USP40: variants seen among roughly 807,000 people sequenced by gnomAD.
USP40 encodes the protein ubiquitin carboxyl-terminal hydrolase 40.
Under a neutral mutation model 166.2 loss-of-function variants are expected in USP40, and 143 were observed. The observed-to-expected ratio is 0.86, with a 90% CI of 0.75 to 0.99. The LOEUF (loss-of-function observed/expected upper bound fraction) is 0.99, where lower values mean the gene tolerates loss of function less well. Ranked by LOEUF, USP40 falls within the 50% of genes least tolerant of loss-of-function variation. The pLI, the probability that USP40 is intolerant of heterozygous loss-of-function variation, is 0.00. For missense variants in USP40, 1,444 were observed against 1,479.7 expected (o/e 0.98, Z 0.40); for synonymous variants, 498 against 524.0 (o/e 0.95, Z 0.68).
intron 8 of USP40, chr2:233,545,524 C>A (rs79607295): frequency 0.01 from 1,555 of 152,372 alleles, 27 homozygotes; most frequent in African/African-American, 0.035. Context: ...AGCCAAAGTC[C>A]CCCCAGGAAG....
Position 233,510,079 on chromosome 2 carries a change from G to A in USP40, c.2583C>T (p.Ile861=), listed in dbSNP as rs368616040. The stretch of plus-strand genomic sequence containing the variant: ...TCACAGATATTGTTTCTTCTACTAC[G>A]ATTTCCATTTCTGTCCCAGGTTGAA... ...SDVQPGTEME[I]VVEETISVRD... The change falls in exon 21 of 32, where the codon ATC becomes ATT. Residue 861 remains isoleucine, a synonymous_variant. Transcript: ENST00000678225. 21 of 1,600,496 alleles carry A rather than the reference G, an allele frequency of 1.3e-5. No homozygotes were observed. In the African/African-American group the frequency reaches 2.1e-4, roughly 16 times the overall value.
intron 24 of USP40, among the ~76,000 whole-genome samples, chr2:233,494,787 T>C (rs1044658600): frequency 2.8e-5 from 4 of 141,814 alleles, no homozygotes; most frequent in African/African-American, 1.0e-4. Context: ...ATCATGCCAC[T>C]GTACTTCAGC....
At chr2:233,539,058 G>A (rs550990133) in intron 10 of USP40, among the ~76,000 whole-genome samples, 27 of 152,130 alleles carry the variant, frequency 1.8e-4, no homozygotes, top group African/African-American at 6.5e-4. Context: ...CACGCCAGGA[G>A]GCAATAACAA....
At chr2:233,498,425 T>C in intron 23 of USP40, 123 bp downstream of exon 23, 11 of 836,474 alleles carry the variant, frequency 1.3e-5, no homozygotes, top group Non-Finnish European at 2.0e-5. Flanking sequence ...ATAGACCCAT[T>C]CATAGATATT....
chr2:233,501,253 A>AAC, intron 21 of USP40, among the ~76,000 whole-genome samples: 2 of 152,318 alleles, frequency 1.3e-5, no homozygotes, highest in South Asian at 4.1e-4. Context: ...CAGAAACAGC[A>AAC]AGAAGGCCAG....
intron 4 of USP40, among the ~76,000 whole-genome samples, chr2:233,559,332 G>T (rs1262735182): frequency 6.6e-6 from 1 of 152,170 alleles, no homozygotes; most frequent in Non-Finnish European, 1.5e-5. Flanking sequence ...TCACTTTTTT[G>T]ACTGAAGCAA....
At chr2:233,549,042 AAAT>A in intron 8 of USP40, 56 bp downstream of exon 8, 3 of 1,494,438 alleles carry the variant, frequency 2.0e-6, no homozygotes, top group Non-Finnish European at 2.7e-6. Flanking sequence ...TTCCTCAACA[AAAT>A]AATAGGAATA....
chr2:233,525,417 G>T lies in USP40; in HGVS notation c.1810+61C>A, dbSNP rs1245615905. ...ACTGACAAAGAGTAGAAAATCGCAG[G>T]TGAGCCGGACAAAAATGTAGATATA... On this transcript the variant is annotated intron_variant, in intron 14 of 31. Coordinates refer to ENST00000678225, the MANE Select transcript of USP40 (RefSeq NM_001365479.2). 6.9e-6 allele frequency: 9 copies of T among 1,308,756 alleles called. No homozygotes were observed. The East Asian group carries it at 1.9e-4, about 27-fold the overall frequency. The allele number at this position is 1,308,756 out of a possible 1,614,324, so 81.1% of individuals were successfully genotyped here.
chr2:233,518,512 A>C (rs1225796395), intron 18 of USP40, among the ~76,000 whole-genome samples: 1 of 148,296 alleles, frequency 6.7e-6, no homozygotes, highest in Non-Finnish European at 1.5e-5. Flanking sequence ...GGTTGCAGTG[A>C]GCGGAGATCG....
In USP40 at chr2:233,488,439, T is replaced by C. The variant is rs183549796; in HGVS notation, c.3132-135A>G. On this transcript the variant is annotated intron_variant, in intron 27 of 31. Coordinates refer to ENST00000678225, the MANE Select transcript of USP40 (RefSeq NM_001365479.2). ...GTACTTATAAGAACACCCAAACTTT[T>C]GGAAAAGGGGAAAAAATGAGAATCC... 8 of 750,718 alleles carry C rather than the reference T, an allele frequency of 1.1e-5. No homozygotes were observed. The Admixed American group carries it at 1.7e-4, about 16-fold the overall frequency. 46.5% of individuals were successfully genotyped at this position (750,718 alleles called of 1,614,324 possible).
At chr2:233,514,899 A>G (rs1011520380) in intron 18 of USP40, among the ~76,000 whole-genome samples, 2 of 152,188 alleles carry the variant, frequency 1.3e-5, no homozygotes, top group African/African-American at 2.4e-5. Flanking sequence ...ACTCCCTGTC[A>G]ATTTGCAGCC....
In USP40 at chr2:233,564,715, T is replaced by G. The variant is rs139788701; in HGVS notation, c.199+641A>C. On this transcript the variant is annotated intron_variant, in intron 2 of 31. Coordinates refer to ENST00000678225, the MANE Select transcript of USP40 (RefSeq NM_001365479.2). Reference sequence around the variant, plus strand: ...ATGAAAAAAGTGTTTTTTATATATATATAAAATGTTACATTCCCAGCAGGG... The same window carrying G: ...ATGAAAAAAGTGTTTTTTATATATAGATAAAATGTTACATTCCCAGCAGGG... Among the ~76,000 whole-genome samples, 1,025 of 152,276 alleles carry G rather than the reference T, an allele frequency of 6.7e-3. 4 individuals are homozygous for G. Among genetic ancestry groups the G allele is most frequent in the African/African-American group, 0.023 (971 of 41,536 alleles).
chr2:233,520,225 A>G (rs1234121412), intron 17 of USP40, among the ~76,000 whole-genome samples: 1 of 152,150 alleles, frequency 6.6e-6, no homozygotes, highest in Non-Finnish European at 1.5e-5. Flanking sequence ...GATGTCAGAC[A>G]ATCTGTCCTC....
intron 31 of USP40, 95 bp from the exon 32 acceptor site, chr2:233,477,598 G>A (rs2064254611): frequency 9.5e-7 from 1 of 1,055,202 alleles, no homozygotes; most frequent in Admixed American, 2.0e-5. Context: ...CAATTTTATA[G>A]GCCACAAGGA....
intron 11 of USP40, among the ~76,000 whole-genome samples, chr2:233,530,702 G>A (rs1195187787): frequency 1.3e-5 from 2 of 152,034 alleles, no homozygotes; most frequent in Non-Finnish European, 2.9e-5. Context: ...TTTGATTACA[G>A]GTTAAATTGA....
intron 13 of USP40, among the ~76,000 whole-genome samples, chr2:233,526,794 CTG>C (rs1184541432): frequency 2.0e-4 from 31 of 152,142 alleles, no homozygotes; most frequent in Non-Finnish European, 4.1e-4. Context: ...TTAAATCACA[CTG>C]CCTCAACTTC....
In USP40 at chr2:233,517,379, G is replaced by GTTTTTTTTTT. The variant is rs202226925; in HGVS notation, c.2383+2234_2383+2235insAAAAAAAAAA. Among the ~76,000 whole-genome samples the GTTTTTTTTTT allele has an allele frequency of 7.0e-4, 96 of 137,168 alleles. 3 individuals carry two copies. Among genetic ancestry groups the GTTTTTTTTTT allele is most frequent in the Middle Eastern group, 3.8e-3 (1 of 262 alleles). 90.0% of individuals were successfully genotyped at this position (137,168 alleles called of 152,430 possible). ...CAAAAAAGATACTTGCACATGCATG[G>GTTTTTTTTTT]TTTTTTGTTTTTTTTTTTTTTTTGA... On this transcript the variant is annotated intron_variant, in intron 18 of 31. Coordinates refer to ENST00000678225, the MANE Select transcript of USP40 (RefSeq NM_001365479.2).
At chr2:233,531,163 G>A (rs551297721) in intron 11 of USP40, among the ~76,000 whole-genome samples, 25 of 152,144 alleles carry the variant, frequency 1.6e-4, no homozygotes, top group African/African-American at 5.8e-4. Context: ...ACCTTACCAC[G>A]GATTAAAACA....
chr2:233,504,452 G>A (rs1394326256), intron 21 of USP40, among the ~76,000 whole-genome samples: 1 of 151,892 alleles, frequency 6.6e-6, no homozygotes, highest in Non-Finnish European at 1.5e-5. Context: ...GAAAAAGATA[G>A]TCCATGCAAA....
Sources: gnomAD v4.1 joint callset for allele counts (sites outside exome capture counted in the v4.1 genomes callset) on GRCh38, gnomAD v4.1.1 for gene constraint, MANE v1.5 for transcripts, NCBI Gene and HGNC (gene_info 2026-07-23, HGNC 2026-07-21) for gene names.